Variants in DUT observed in about 807,000 individuals in gnomAD.
DUT encodes deoxyuridine 5'-triphosphate nucleotidohydrolase, mitochondrial.
A neutral mutation model predicts 28.8 loss-of-function variants in DUT; 21 were observed. The observed-to-expected ratio is 0.73, with a 90% CI of 0.52 to 1.05. DUT has a LOEUF of 1.05. Among genes scored for constraint, DUT ranks in the 50% least tolerant of loss-of-function variants. The pLI is 0.00. For synonymous variants in DUT, 147 were observed against 143.7 expected (o/e 1.02, Z -0.17); for missense variants, 344 against 351.8 (o/e 0.98, Z 0.18).
At position 48,331,664 on chromosome 15, in the gene DUT, A is replaced by T; in HGVS notation, c.149A>T (p.Gln50Leu). ...GGCCCGCCCCTCGGCCGCGCCGCGC[A>T]GCACGGGATTCCCCGGCCGCTGTCC... The part of the protein sequence containing the change: ...GPGPPLGRAA[Q>L]HGIPRPLSSA... Residue 50 changes from glutamine to leucine, a missense_variant, in exon 1 of 7, where the codon CAG becomes CTG. Coordinates refer to ENST00000331200, the MANE Select transcript of DUT (RefSeq NM_001025248.2). The T allele has an allele frequency of 6.5e-7, 1 of 1,535,410 alleles. No homozygotes were observed. The highest frequency in any genetic ancestry group is 8.8e-7 in the Non-Finnish European group (1 of 1,140,790).
intron 4 of DUT, among the ~76,000 whole-genome samples, chr15:48,338,457 C>T (rs978487952): frequency 6.6e-6 from 1 of 151,808 alleles, no homozygotes; most frequent in Non-Finnish European, 1.5e-5. Context: ...ATATTTGCAA[C>T]TTATATGAAA....
chr15:48,334,594 C>A, intron 3 of DUT, 86 bp downstream of exon 3: 1 of 964,320 alleles, frequency 1.0e-6, no homozygotes, highest in Non-Finnish European at 1.6e-6. Context: ...AATAAGCAGG[C>A]AATATTGCTT....
chr15:48,334,869 T>G (rs2042458380), intron 3 of DUT, among the ~76,000 whole-genome samples: 1 of 152,196 alleles, frequency 6.6e-6, no homozygotes, highest in Admixed American at 6.5e-5. Context: ...TAAGGGATAC[T>G]CTTCAGTGTT....
At chr15:48,339,268 G>A (rs1162196033) in intron 4 of DUT, among the ~76,000 whole-genome samples, 1 of 152,156 alleles carries the variant, frequency 6.6e-6, no homozygotes, top group Non-Finnish European at 1.5e-5. Flanking sequence ...CTATCTCAGG[G>A]AGGGTAAGAG....
intron 4 of DUT, among the ~76,000 whole-genome samples, chr15:48,338,338 C>T (rs982325615): frequency 1.3e-5 from 2 of 152,028 alleles, no homozygotes; most frequent in African/African-American, 4.8e-5. Context: ...TCAAGACACC[C>T]AATCATTTGA....
At chr15:48,332,125 CG>C in intron 1 of DUT, 142 bp from the exon 2 acceptor site, 1 of 1,376,418 alleles carries the variant, frequency 7.3e-7, no homozygotes, top group Non-Finnish European at 9.4e-7. Flanking sequence ...GGACTCGTCC[CG>C]GGGAGGGGCG....
intron 2 of DUT, 110 bp downstream of exon 2, chr15:48,332,516 T>A: frequency 9.8e-7 from 1 of 1,018,712 alleles, no homozygotes; most frequent in South Asian, 1.6e-5. Flanking sequence ...TAAATAGGAT[T>A]TCTGCCTTTT....
At position 48,332,047 on chromosome 15, in the gene DUT, A is replaced by G. The variant is rs538154067; in HGVS notation, c.281-221A>G. Reference sequence around the variant, plus strand: ...TGGGACCCAGTAGTTTCCCATCCCAAACCTGCTTTCCGAGAAGGGCTTCAA... The same window carrying G: ...TGGGACCCAGTAGTTTCCCATCCCAGACCTGCTTTCCGAGAAGGGCTTCAA... On this transcript the variant is annotated intron_variant, in intron 1 of 6. Coordinates refer to ENST00000331200, the MANE Select transcript of DUT (RefSeq NM_001025248.2). 227 of 1,127,556 alleles carry G rather than the reference A, an allele frequency of 2.0e-4. 6 individuals carry two copies. The South Asian group carries it at 4.1e-3, about 20-fold the overall frequency. The allele number at this position is 1,127,556 out of a possible 1,614,324, so 69.8% of individuals were successfully genotyped here. A position where few individuals can be genotyped will look rare whatever the true frequency, so the allele number is the denominator to read the frequency against.
At chr15:48,336,720 C>T (rs990100067) in intron 4 of DUT, among the ~76,000 whole-genome samples, 9 of 152,206 alleles carry the variant, frequency 5.9e-5, no homozygotes, top group African/African-American at 1.9e-4. Context: ...TCCTTACATA[C>T]TGACCCTTTA....
At chr15:48,331,119 A>C (rs2042400243), upstream of DUT, 6 of 1,280,918 alleles carry the variant, frequency 4.7e-6, no homozygotes, top group Admixed American at 3.7e-5. Context: ...CGGCGCCGAG[A>C]TGCGGTTCCG....
intron 4 of DUT, 159 bp from the exon 5 acceptor site, chr15:48,341,130 T>G: frequency 2.0e-6 from 1 of 494,044 alleles, no homozygotes; most frequent in Non-Finnish European, 3.5e-6. Context: ...TAATGTCATT[T>G]CTTGGTTTTG....
chr15:48,336,136 C>G, intron 4 of DUT, 46 bp downstream of exon 4: 1 of 1,477,512 alleles, frequency 6.8e-7, no homozygotes, highest in Non-Finnish European at 9.1e-7. Context: ...CAAGTATTTA[C>G]TTTGTCTTTA....
chr15:48,340,348 T>C (rs2042520348), intron 4 of DUT: 1 of 152,048 alleles, frequency 6.6e-6, no homozygotes, highest in Admixed American at 6.6e-5. Context: ...AATGTAAATG[T>C]GCTATAATTG....
intron 3 of DUT, among the ~76,000 whole-genome samples, chr15:48,335,072 ATAT>A (rs905589953): frequency 6.6e-6 from 1 of 152,208 alleles, no homozygotes; most frequent in African/African-American, 2.4e-5. Flanking sequence ...GACTGGCACT[ATAT>A]TATTAGCCAT....
chr15:48,333,004 G>A (rs1013000887), intron 2 of DUT, among the ~76,000 whole-genome samples: 1 of 151,830 alleles, frequency 6.6e-6, no homozygotes, highest in Non-Finnish European at 1.5e-5. Context: ...ACAGGCAGGA[G>A]TTTGTGAAGA....
At chr15:48,339,214 GAA>G (rs780746259) in intron 4 of DUT, among the ~76,000 whole-genome samples, 45 of 151,928 alleles carry the variant, frequency 3.0e-4, no homozygotes, top group Admixed American at 2.6e-3. Flanking sequence ...AGGATAAAAA[GAA>G]AAAAATAAAG....
chr15:48,333,002 G>A (rs2042435477), intron 2 of DUT, among the ~76,000 whole-genome samples: 2 of 151,882 alleles, frequency 1.3e-5, no homozygotes, highest in Non-Finnish European at 2.9e-5. Context: ...ACACAGGCAG[G>A]AGTTTGTGAA....
At position 48,338,539 on chromosome 15, in the gene DUT, A is replaced by C. The variant is rs145463188; in HGVS notation, c.556+2449A>C. ...GCAAATGTCCAACAAATGGGAGGAAAAAAATCCAGCCTCACTAGTCATCAG... is the reference window on the plus strand; with the variant it reads ...GCAAATGTCCAACAAATGGGAGGAACAAAATCCAGCCTCACTAGTCATCAG... On this transcript the variant is annotated intron_variant, in intron 4 of 6. Coordinates refer to ENST00000331200, the MANE Select transcript of DUT (RefSeq NM_001025248.2). 4.3e-4 allele frequency among the ~76,000 whole-genome samples: 65 copies of C among 152,358 alleles called. 1 individual carries two copies. The East Asian group carries it at 0.012, about 29-fold the overall frequency.
rs556393924 is a variant in DUT, at chr15:48,343,097, A to G, written c.*1019A>G. ...CATCAGATTCTGTGAGACACCAGGC[A>G]TCGTTTTGAGGATGTGGGTTATACA... On this transcript the variant is annotated 3_prime_UTR_variant, in exon 7 of 7. Coordinates refer to ENST00000331200, the MANE Select transcript of DUT (RefSeq NM_001025248.2). The G allele has an allele frequency of 6.6e-5, 10 of 152,276 alleles. No individual in the cohort carries two copies. The East Asian group carries it at 1.4e-3, about 21-fold the overall frequency. The allele number at this position is 152,276 out of a possible 1,614,324, so 9.4% of individuals were successfully genotyped here.
Sources: gnomAD v4.1 joint callset for allele counts (sites outside exome capture counted in the v4.1 genomes callset) on GRCh38, gnomAD v4.1.1 for gene constraint, MANE v1.5 for transcripts, NCBI Gene and HGNC (gene_info 2026-07-23, HGNC 2026-07-21) for gene names.